MACROD2: variants seen among roughly 807,000 people sequenced by gnomAD.
MACROD2 encodes ADP-ribose glycohydrolase MACROD2.
A neutral mutation model predicts 70.4 loss-of-function variants in MACROD2; 36 were observed. The ratio of observed to expected loss-of-function variants is 0.51; its 90% CI spans 0.39 to 0.68. MACROD2 has a LOEUF of 0.68. Ranked by LOEUF, MACROD2 falls within the 30% of genes least tolerant of loss-of-function variation. The pLI, the probability that MACROD2 is intolerant of heterozygous loss-of-function variation, is 0.00. For synonymous variants in MACROD2, 172 were observed against 178.8 expected, an observed-to-expected ratio of 0.96 and a Z score of 0.30; for missense variants, 496 against 538.4, an observed-to-expected ratio of 0.92 and a Z score of 0.78.
intron 5 of MACROD2, among the ~76,000 whole-genome samples, chr20:14,847,519 G>A (rs112293131): frequency 3.5e-5 from 5 of 142,186 alleles, no homozygotes; most frequent in African/African-American, 8.0e-5. Flanking sequence ...GTTCAGCAGA[G>A]CAGTACAATG....
At chr20:14,290,579 G>A (rs1445212445) in intron 3 of MACROD2, among the ~76,000 whole-genome samples, 1 of 150,618 alleles carries the variant, frequency 6.6e-6, no homozygotes, top group South Asian at 2.1e-4. Flanking sequence ...GCACAATTTC[G>A]GCTCACCACA....
intron 3 of MACROD2, among the ~76,000 whole-genome samples, chr20:14,200,362 G>A (rs2081469104): frequency 6.6e-6 from 1 of 152,104 alleles, no homozygotes; most frequent in African/African-American, 2.4e-5. Context: ...AACACACACT[G>A]GGGCCTATCA....
intron 8 of MACROD2, among the ~76,000 whole-genome samples, chr20:15,613,398 C>T (rs1403380745): frequency 2.6e-5 from 4 of 152,160 alleles, no homozygotes. Context: ...AAACTTATTT[C>T]GGTGCCTGTC....
At chr20:14,138,196 T>C (rs939952730) in intron 3 of MACROD2, among the ~76,000 whole-genome samples, 2 of 152,212 alleles carry the variant, frequency 1.3e-5, no homozygotes, top group African/African-American at 2.4e-5. Flanking sequence ...GAAAACAGTA[T>C]GGAGGTTCCT....
intron 5 of MACROD2, among the ~76,000 whole-genome samples, chr20:15,005,197 A>G (rs556929289): frequency 1.3e-5 from 2 of 152,306 alleles, no homozygotes; most frequent in South Asian, 4.1e-4. Context: ...ACCCTTCAAT[A>G]TTTTATGACA....
chr20:15,682,383 G>T (rs2050172018), intron 8 of MACROD2, among the ~76,000 whole-genome samples: 2 of 152,170 alleles, frequency 1.3e-5, no homozygotes, highest in South Asian at 2.1e-4. Context: ...CAGCTCATGG[G>T]GAAATGCTAA....
chr20:14,017,457 C>T (rs949827148), intron 2 of MACROD2, among the ~76,000 whole-genome samples: 1 of 152,048 alleles, frequency 6.6e-6, no homozygotes, highest in Non-Finnish European at 1.5e-5. Flanking sequence ...ATTGTGTTAC[C>T]TGTGGATTTT....
intron 8 of MACROD2, among the ~76,000 whole-genome samples, chr20:15,707,035 T>C (rs937775292): frequency 6.6e-6 from 1 of 152,196 alleles, no homozygotes; most frequent in African/African-American, 2.4e-5. Flanking sequence ...ACCCTCCAGA[T>C]AAAAAGTCAT....
chr20:15,702,883 C>T (rs955670804), intron 8 of MACROD2, among the ~76,000 whole-genome samples: 5 of 152,284 alleles, frequency 3.3e-5, no homozygotes, highest in Non-Finnish European at 2.9e-5. Context: ...TATCCAACTT[C>T]GAACTATACT....
At chr20:15,087,884 T>A (rs1278800309) in intron 5 of MACROD2, among the ~76,000 whole-genome samples, 2 of 151,834 alleles carry the variant, frequency 1.3e-5, no homozygotes, top group East Asian at 1.9e-4. Flanking sequence ...AAGAAAAAAA[T>A]TTTAAATGGT....
chr20:15,489,844 A>T (rs1432517351), intron 7 of MACROD2, among the ~76,000 whole-genome samples: 1 of 152,008 alleles, frequency 6.6e-6, no homozygotes, highest in Admixed American at 6.6e-5. Context: ...GGGCTGGTAT[A>T]CTGGTCCTGT....
chr20:15,113,234 G>A (rs916341877), intron 5 of MACROD2, among the ~76,000 whole-genome samples: 3 of 152,004 alleles, frequency 2.0e-5, no homozygotes, highest in Admixed American at 6.6e-5. Flanking sequence ...TTACATTTCT[G>A]TGCTTTTTTT....
At chr20:15,308,109 G>A (rs982890241) in intron 6 of MACROD2, among the ~76,000 whole-genome samples, 1 of 152,032 alleles carries the variant, frequency 6.6e-6, no homozygotes, top group Non-Finnish European at 1.5e-5. Flanking sequence ...GATATGGATG[G>A]TATCTGCTCA....
At chr20:15,211,674 C>T (rs544886629) in intron 5 of MACROD2, among the ~76,000 whole-genome samples, 73 of 152,180 alleles carry the variant, frequency 4.8e-4, no homozygotes, top group Non-Finnish European at 9.0e-4. Context: ...TGATCGTAAG[C>T]GTCCTGAGTC....
At chr20:14,926,163 AGTTTGTTT>A (rs56297753) in intron 5 of MACROD2, among the ~76,000 whole-genome samples, 1 of 151,698 alleles carries the variant, frequency 6.6e-6, no homozygotes, top group Non-Finnish European at 1.5e-5. Context: ...CTAAATGCAG[AGTTTGTTT>A]GTTTGTTTGT....
At chr20:15,308,774 G>A (rs1271281334) in intron 6 of MACROD2, among the ~76,000 whole-genome samples, 1 of 152,096 alleles carries the variant, frequency 6.6e-6, no homozygotes, top group Non-Finnish European at 1.5e-5. Flanking sequence ...ACTTTCCACA[G>A]CACACGTAGC....
intron 5 of MACROD2, among the ~76,000 whole-genome samples, chr20:14,984,705 CT>C (rs536351215): frequency 1.7e-4 from 26 of 152,220 alleles, no homozygotes; most frequent in African/African-American, 6.0e-4. Flanking sequence ...GGAAACATAG[CT>C]GTAATTTGAG....
At chr20:14,492,079 A>G (rs1433283693) in intron 3 of MACROD2, among the ~76,000 whole-genome samples, 1 of 152,214 alleles carries the variant, frequency 6.6e-6, no homozygotes, top group African/African-American at 2.4e-5. Context: ...TGCCCCTTCA[A>G]TAAGTTACCA....
chr20:14,515,465 G>GCGCGCGCGCA (rs1369248292), intron 4 of MACROD2, among the ~76,000 whole-genome samples: 4 of 127,066 alleles, frequency 3.1e-5, no homozygotes, highest in African/African-American at 1.3e-4. Context: ...ACACACACAC[G>GCGCGCGCGCA]CACACACACA....
Sources: gnomAD v4.1 joint callset for allele counts (sites outside exome capture counted in the v4.1 genomes callset) on GRCh38, gnomAD v4.1.1 for gene constraint, MANE v1.5 for transcripts, NCBI Gene and HGNC (gene_info 2026-07-23, HGNC 2026-07-21) for gene names.